The following MAML3 variants were observed in gnomAD, a reference collection of about 807,000 sequenced individuals.
MAML3 encodes the protein mastermind-like protein 3.
MAML3 carries 27 observed loss-of-function variants against 101.9 expected under a neutral mutation model. The observed-to-expected ratio is 0.27, with a 90% CI of 0.20 to 0.37. The LOEUF is 0.37. Ranked by LOEUF, MAML3 falls within the 10% of genes least tolerant of loss-of-function variation. The pLI, the probability that MAML3 is intolerant of heterozygous loss-of-function variation, is 1.00. For synonymous variants in MAML3, 501 were observed against 555.9 expected, an observed-to-expected ratio of 0.90 and a Z score of 1.39; for missense variants, 1,316 against 1,444.9, an observed-to-expected ratio of 0.91 and a Z score of 1.45.
At chr4:140,064,863 G>T (rs1727506069) in intron 1 of MAML3, among the ~76,000 whole-genome samples, 1 of 152,076 alleles carries the variant, frequency 6.6e-6, no homozygotes, top group South Asian at 2.1e-4. Context: ...TATAAGTTTT[G>T]TTTCTTGAAG....
At chr4:139,894,594 G>A (rs1341629128) in intron 1 of MAML3, among the ~76,000 whole-genome samples, 6 of 152,092 alleles carry the variant, frequency 3.9e-5, no homozygotes, top group Non-Finnish European at 7.4e-5. Flanking sequence ...GGGCCCTTGA[G>A]TAAAAGTCCA....
chr4:139,815,695 T>G (rs2111116928), intron 2 of MAML3, among the ~76,000 whole-genome samples: 1 of 152,290 alleles, frequency 6.6e-6, no homozygotes, highest in South Asian at 2.1e-4. Flanking sequence ...ACTTTGTGTT[T>G]AGTATATACT....
intron 1 of MAML3, among the ~76,000 whole-genome samples, chr4:139,991,806 AC>A (rs1197281597): frequency 6.6e-6 from 1 of 152,064 alleles, no homozygotes; most frequent in Non-Finnish European, 1.5e-5. Flanking sequence ...TGATCATGCC[AC>A]CGTACTTCAG....
chr4:139,950,368 C>T (rs1005642753), intron 1 of MAML3, among the ~76,000 whole-genome samples: 2 of 152,094 alleles, frequency 1.3e-5, no homozygotes, highest in African/African-American at 4.8e-5. Flanking sequence ...GAATTTCTAG[C>T]CTGGTAGTCT....
intron 1 of MAML3, among the ~76,000 whole-genome samples, chr4:139,921,689 C>A (rs1281552357): frequency 6.6e-6 from 1 of 152,162 alleles, no homozygotes; most frequent in Non-Finnish European, 1.5e-5. Context: ...TCCTCTGACA[C>A]TACAATTCCT....
intron 1 of MAML3, among the ~76,000 whole-genome samples, chr4:140,051,217 A>G (rs1315371004): frequency 6.6e-6 from 1 of 152,166 alleles, no homozygotes; most frequent in East Asian, 1.9e-4. Context: ...TGAGTTTAAA[A>G]CCATCTTAAA....
At chr4:139,729,923 A>G (rs4863681) in intron 3 of MAML3, among the ~76,000 whole-genome samples, 39,975 of 152,134 alleles carry the variant, frequency 0.26, 5,468 homozygotes, top group East Asian at 0.33. Context: ...GTAGTTCTGC[A>G]GGCCTTATTA....
chr4:140,036,741 C>A (rs1726992169), intron 1 of MAML3, among the ~76,000 whole-genome samples: 1 of 152,156 alleles, frequency 6.6e-6, no homozygotes, highest in African/African-American at 2.4e-5. Flanking sequence ...AACAGTCAGA[C>A]AAGAATAATT....
Position 140,129,032 on chromosome 4 carries a change from G to C in MAML3, c.468+23828C>G, listed in dbSNP as rs1376131193. Among the ~76,000 whole-genome samples, 3 of 151,966 alleles carry C rather than the reference G, an allele frequency of 2.0e-5. No individual in the cohort carries two copies. In the East Asian group the frequency reaches 5.8e-4, roughly 29 times the overall value. Reference sequence around the variant, plus strand: ...CAGCCTCAGGAGCAATAATGTCCAGGTTTGAATCCCTGTTCCACCATTCAT... The same window carrying C: ...CAGCCTCAGGAGCAATAATGTCCAGCTTTGAATCCCTGTTCCACCATTCAT... On this transcript the variant is annotated intron_variant, in intron 1 of 4. Coordinates refer to ENST00000509479, the MANE Select transcript of MAML3 (RefSeq NM_018717.5).
chr4:140,146,319 C>T (rs575863862), intron 1 of MAML3, among the ~76,000 whole-genome samples: 4 of 152,202 alleles, frequency 2.6e-5, no homozygotes, highest in Admixed American at 2.6e-4. Flanking sequence ...GAAAGGAACT[C>T]AAAAACCCCT....
intron 2 of MAML3, among the ~76,000 whole-genome samples, chr4:139,755,987 T>C (rs1050586121): frequency 1.3e-5 from 2 of 152,220 alleles, no homozygotes; most frequent in East Asian, 1.9e-4. Flanking sequence ...ACACCCGCTA[T>C]GGTCTGGGAA....
intron 2 of MAML3, among the ~76,000 whole-genome samples, chr4:139,732,978 T>C (rs1728784785): frequency 6.6e-6 from 1 of 152,252 alleles, no homozygotes; most frequent in African/African-American, 2.4e-5. Flanking sequence ...CCAGGAACCT[T>C]TGTGCTACCA....
At chr4:139,842,547 C>A (rs1028243621) in intron 2 of MAML3, among the ~76,000 whole-genome samples, 2 of 151,902 alleles carry the variant, frequency 1.3e-5, no homozygotes, top group Admixed American at 6.6e-5. Flanking sequence ...GAGACAGGAT[C>A]TTGCTCTGCC....
intron 1 of MAML3, among the ~76,000 whole-genome samples, chr4:139,935,076 T>C (rs1268813221): frequency 6.6e-6 from 1 of 152,128 alleles, no homozygotes; most frequent in Non-Finnish European, 1.5e-5. Context: ...AATTAGAAGG[T>C]ATTAATCATG....
chr4:139,969,021 C>T (rs1034635708), intron 1 of MAML3, among the ~76,000 whole-genome samples: 4 of 151,802 alleles, frequency 2.6e-5, no homozygotes, highest in African/African-American at 7.3e-5. Context: ...TAGAGGGTGC[C>T]GGCCCTCCCA....
intron 1 of MAML3, among the ~76,000 whole-genome samples, chr4:139,983,415 C>A (rs528221657): frequency 4.4e-4 from 67 of 152,246 alleles, no homozygotes; most frequent in Middle Eastern, 3.4e-3. Context: ...TAATAGTCAA[C>A]AGGTTAAATG....
chr4:139,917,129 G>A (rs1014216377), intron 1 of MAML3, among the ~76,000 whole-genome samples: 5 of 152,136 alleles, frequency 3.3e-5, no homozygotes, highest in African/African-American at 4.8e-5. Context: ...TTCTCAGTGC[G>A]GCCCATGACT....
At chr4:139,946,982 T>C (rs1733745143) in intron 1 of MAML3, among the ~76,000 whole-genome samples, 1 of 151,666 alleles carries the variant, frequency 6.6e-6, no homozygotes, top group South Asian at 2.1e-4. Flanking sequence ...CAACATGCTA[T>C]AATTAAGCTC....
At chr4:139,826,019 G>A (rs1370329153) in intron 2 of MAML3, among the ~76,000 whole-genome samples, 1 of 152,114 alleles carries the variant, frequency 6.6e-6, no homozygotes, top group African/African-American at 2.4e-5. Context: ...TTTTCCATGG[G>A]AGCCCTGTGG....
Sources: allele counts gnomAD v4.1 joint callset (sites outside exome capture counted in the v4.1 genomes callset), GRCh38; gene constraint gnomAD v4.1.1; transcripts MANE v1.5; gene names NCBI Gene and HGNC (gene_info 2026-07-23, HGNC 2026-07-21).